GMDS: variants seen among roughly 807,000 people sequenced by gnomAD.
GMDS encodes the protein GDP-mannose 4,6-dehydratase, also known as GDP-mannose 4,6 dehydratase.
A neutral mutation model predicts 49.9 loss-of-function variants in GMDS; 20 were observed. The observed-to-expected ratio is 0.40, with a 90% CI of 0.28 to 0.58. The LOEUF (loss-of-function observed/expected upper bound fraction) is 0.58. GMDS is among the 20% of genes least tolerant of loss of function. The pLI, the probability that GMDS is intolerant of heterozygous loss-of-function variation, is 0.42. For missense variants in GMDS, 362 were observed against 481.4 expected (o/e 0.75, Z 2.32); for synonymous variants, 177 against 178.6 (o/e 0.99, Z 0.07).
At chr6:1,817,895 T>G (rs940657235) in intron 7 of GMDS, among the ~76,000 whole-genome samples, 2 of 152,174 alleles carry the variant, frequency 1.3e-5, no homozygotes, top group Admixed American at 1.3e-4. Context: ...CAACTATTTT[T>G]CTTTTTCTTT....
intron 4 of GMDS, among the ~76,000 whole-genome samples, chr6:1,996,642 A>T (rs2127372553): frequency 6.6e-6 from 1 of 152,284 alleles, no homozygotes; most frequent in South Asian, 2.1e-4. Flanking sequence ...GGTTGGCAGA[A>T]TTCCTGCCAT....
chr6:2,074,438 A>AT (rs1395255590), intron 4 of GMDS, among the ~76,000 whole-genome samples: 2 of 148,544 alleles, frequency 1.3e-5, no homozygotes, highest in African/African-American at 2.6e-5. Context: ...GTTTGCAAAT[A>AT]TTTTTTTCCG....
At chr6:2,170,701 A>T (rs1392777181) in intron 1 of GMDS, among the ~76,000 whole-genome samples, 1 of 152,034 alleles carries the variant, frequency 6.6e-6, no homozygotes, top group Non-Finnish European at 1.5e-5. Flanking sequence ...TAGAAGTTAA[A>T]ACTCTAAAAA....
chr6:1,879,370 T>C (rs1056441981), intron 7 of GMDS, among the ~76,000 whole-genome samples: 34 of 152,178 alleles, frequency 2.2e-4, no homozygotes, highest in Middle Eastern at 3.2e-3. Context: ...ACCCCTCGCA[T>C]AGGGTGAATA....
chr6:2,030,125 G>A (rs1768859913), intron 4 of GMDS, among the ~76,000 whole-genome samples: 1 of 152,230 alleles, frequency 6.6e-6, no homozygotes, highest in South Asian at 2.1e-4. Context: ...CCCACAGCAT[G>A]CTCTGCACAA....
chr6:2,021,405 C>A (rs1351985416), intron 4 of GMDS, among the ~76,000 whole-genome samples: 3 of 151,964 alleles, frequency 2.0e-5, no homozygotes, highest in Non-Finnish European at 4.4e-5. Flanking sequence ...GGTCTCTAGA[C>A]CCTTAAGATA....
intron 1 of GMDS, among the ~76,000 whole-genome samples, chr6:2,194,695 G>A (rs992672316): frequency 4.6e-5 from 7 of 152,152 alleles, no homozygotes; most frequent in Non-Finnish European, 7.4e-5. Flanking sequence ...ATGGAAGAGG[G>A]GAAAACACAA....
At chr6:1,990,030 C>A (rs890208971) in intron 4 of GMDS, among the ~76,000 whole-genome samples, 2 of 152,250 alleles carry the variant, frequency 1.3e-5, no homozygotes, top group African/African-American at 2.4e-5. Context: ...GGCGCAATGG[C>A]TCACGCCTGT....
At chr6:1,696,326 C>G (rs368660213) in intron 9 of GMDS, among the ~76,000 whole-genome samples, 1 of 152,240 alleles carries the variant, frequency 6.6e-6, no homozygotes. Flanking sequence ...GGGCCTACGC[C>G]GTGATTTGCT....
At chr6:2,073,334 TC>T (rs1279575314) in intron 4 of GMDS, among the ~76,000 whole-genome samples, 1 of 152,202 alleles carries the variant, frequency 6.6e-6, no homozygotes, top group Non-Finnish European at 1.5e-5. Context: ...AAAATGACAC[TC>T]TGTTTATAGG....
intron 7 of GMDS, among the ~76,000 whole-genome samples, chr6:1,808,225 A>G (rs1770261311): frequency 6.6e-6 from 1 of 152,170 alleles, no homozygotes; most frequent in Non-Finnish European, 1.5e-5. Context: ...TGTTGGTTTG[A>G]TCCTATTTCT....
intron 9 of GMDS, among the ~76,000 whole-genome samples, chr6:1,667,481 A>G (rs1205193247): frequency 1.3e-5 from 2 of 152,238 alleles, no homozygotes; most frequent in Non-Finnish European, 2.9e-5. Flanking sequence ...CCCCTCGTGA[A>G]GTCAGCAGTG....
At chr6:1,779,989 T>C (rs1769015044) in intron 7 of GMDS, among the ~76,000 whole-genome samples, 1 of 152,232 alleles carries the variant, frequency 6.6e-6, no homozygotes, top group African/African-American at 2.4e-5. Flanking sequence ...GGTCCAGTTC[T>C]GAGTTTAGTC....
chr6:2,212,238 T>TA (rs1780094046), intron 1 of GMDS, among the ~76,000 whole-genome samples: 2 of 152,202 alleles, frequency 1.3e-5, no homozygotes, highest in Non-Finnish European at 1.5e-5. Context: ...AACTAACTCC[T>TA]GCAGTGGCTC....
chr6:1,854,943 T>A (rs1757880480), intron 7 of GMDS, among the ~76,000 whole-genome samples: 1 of 152,228 alleles, frequency 6.6e-6, no homozygotes, highest in Non-Finnish European at 1.5e-5. Flanking sequence ...CTGATGGTTA[T>A]TTTTTGTGTT....
chr6:2,136,671 T>C lies in GMDS; in HGVS notation c.103-11940A>G, dbSNP rs184840512. Reference sequence around the variant, plus strand: ...AGAAGGTCAAGGCTGCAGTGTGCCATGATCACACCACTGCACTCAACCTGG... The same window carrying C: ...AGAAGGTCAAGGCTGCAGTGTGCCACGATCACACCACTGCACTCAACCTGG... On this transcript the variant is annotated intron_variant, in intron 1 of 10. Transcript: ENST00000380815. Among the ~76,000 whole-genome samples, 835 of 152,246 alleles carry C rather than the reference T, an allele frequency of 5.5e-3. 2 individuals are homozygous for C. Among genetic ancestry groups the C allele is most frequent in the Middle Eastern group, 0.017 (5 of 294 alleles).
At chr6:2,109,111 T>C (rs1774404032) in intron 4 of GMDS, among the ~76,000 whole-genome samples, 1 of 152,188 alleles carries the variant, frequency 6.6e-6, no homozygotes, top group Admixed American at 6.5e-5. Flanking sequence ...ATGTTGACTA[T>C]GTAACCTGAG....
intron 9 of GMDS, among the ~76,000 whole-genome samples, chr6:1,690,607 C>T (rs1765137594): frequency 6.6e-6 from 1 of 152,014 alleles, no homozygotes; most frequent in African/African-American, 2.4e-5. Context: ...TGCAATCTAT[C>T]CATCTGACAA....
intron 4 of GMDS, among the ~76,000 whole-genome samples, chr6:2,082,689 A>G (rs545414383): frequency 2.6e-5 from 4 of 152,368 alleles, no homozygotes; most frequent in African/African-American, 9.6e-5. Context: ...AGTTAATGAC[A>G]CTTTTAAAAA....
Sources: gnomAD v4.1 joint callset for allele counts (sites outside exome capture counted in the v4.1 genomes callset) on GRCh38, gnomAD v4.1.1 for gene constraint, MANE v1.5 for transcripts, NCBI Gene and HGNC (gene_info 2026-07-23, HGNC 2026-07-21) for gene names.